The following FEZ1 variants were observed in gnomAD, a reference collection of about 807,000 sequenced individuals.
FEZ1 encodes fasciculation and elongation protein zeta 1.
In FEZ1, 20 loss-of-function variants were observed where a neutral mutation model predicts 49.3. That is an observed-to-expected ratio of 0.41 (90% CI 0.29 to 0.59). The LOEUF is 0.59. Among genes scored for constraint, FEZ1 ranks in the 20% least tolerant of loss-of-function variants. The pLI, the probability that FEZ1 is intolerant of heterozygous loss-of-function variation, is 0.36. For missense variants in FEZ1, 413 were observed against 476.0 expected (o/e 0.87, Z 1.23); for synonymous variants, 170 against 180.9 (o/e 0.94, Z 0.48).
rs758020972 is a variant in FEZ1, at chr11:125,455,865, C to T, written c.909G>A (p.Arg303=). 6.2e-7 allele frequency: 1 copy of T among 1,613,988 alleles called. No individual in the cohort carries two copies. The highest frequency in any genetic ancestry group is 8.5e-7 in the Non-Finnish European group (1 of 1,180,000). Residue 303 remains arginine, a synonymous_variant, in exon 6 of 10, where the codon CGG becomes CGA. Transcript: ENST00000278919. ...GAGGCATCTGGTTTCCCTTCTCTAT[C>T]CGGCTGCTCTGCAGGCTCAGCCCTT... The part of the protein sequence containing the change: ...KEKGLSLQSS[R]IEKGNQMPLK...
chr11:125,460,482 C>T lies in FEZ1; in HGVS notation c.667+16G>A, dbSNP rs1328869857. The T allele has an allele frequency of 7.5e-6, 12 of 1,609,926 alleles. No homozygotes were observed. The highest frequency in any genetic ancestry group is 1.8e-4 in the Middle Eastern group (1 of 5,694). On this transcript the variant is annotated intron_variant, in intron 5 of 9. Transcript: ENST00000278919. ...GGTGCTTCCTCCTCGGCCAGCCCAG[C>T]GCCCAGGGCCCTCACCTTCATAGGA...
At position 125,493,463 on chromosome 11, in the gene FEZ1, AAGGAAAGAAGGAAAGAAGGAAAGAAG is replaced by A. The variant is rs1565307118; in HGVS notation, c.-46+2632_-46+2657del. Among the ~76,000 whole-genome samples the A allele has an allele frequency of 7.1e-3, 528 of 74,114 alleles. 18 individuals are homozygous for A. The highest frequency in any genetic ancestry group is 0.016 in the Middle Eastern group (3 of 184). 48.6% of individuals were successfully genotyped at this position (74,114 alleles called of 152,430 possible). A position where few individuals can be genotyped will look rare whatever the true frequency, so the allele number is the denominator to read the frequency against. ...GAAGGAAAGAAGGAAAGAAGGAAAG[AAGGAAAGAAGGAAAGAAGGAAAGAAG>A]GAAAGAAAGAAAGAAAGAGAGAAAG... On this transcript the variant is annotated intron_variant, in intron 1 of 9. Coordinates refer to ENST00000278919, the MANE Select transcript of FEZ1 (RefSeq NM_005103.5).
rs151327290 is a variant in FEZ1, at chr11:125,458,786, G to A, written c.667+1712C>T. Among the ~76,000 whole-genome samples, 330 of 152,192 alleles carry A rather than the reference G, an allele frequency of 2.2e-3. 2 individuals carry two copies. The highest frequency in any genetic ancestry group is 7.6e-3 in the African/African-American group (315 of 41,530). On this transcript the variant is annotated intron_variant, in intron 5 of 9. Transcript: ENST00000278919. ...GTTACTGCTTTGAAATATAATCATC[G>A]GGCCGGGCGCAGTGGGTCATGCCTG... is the stretch of plus-strand genomic sequence containing the variant.
chr11:125,456,139 T>C (rs1445403991), intron 5 of FEZ1, 33 bp from the exon 6 acceptor site: 2 of 1,541,426 alleles, frequency 1.3e-6, no homozygotes. Context: ...GCATAACACC[T>C]GCATCCACAC....
rs780640452 is a variant in FEZ1, at chr11:125,463,586, G to A, written c.412-16C>T. 6.6e-7 allele frequency: 1 copy of A among 1,522,328 alleles called. No individual in the cohort carries two copies. The highest frequency in any genetic ancestry group is 9.1e-7 in the Non-Finnish European group (1 of 1,096,826). The allele number at this position is 1,522,328 out of a possible 1,614,324, so 94.3% of individuals were successfully genotyped here. ...TCTCATGGATCTGGAGAGGAGGTGG[G>A]GAGATGGAATTCTGGGTGACCATCA... On this transcript the variant is annotated splice_polypyrimidine_tract_variant and intron_variant, in intron 3 of 9. Coordinates refer to ENST00000278919, the MANE Select transcript of FEZ1 (RefSeq NM_005103.5).
chr11:125,473,145 A>G (rs1405187910), intron 3 of FEZ1, among the ~76,000 whole-genome samples: 2 of 152,226 alleles, frequency 1.3e-5, no homozygotes, highest in Admixed American at 6.5e-5. Context: ...GATTGGCATA[A>G]AGATAGACAC....
chr11:125,460,592 C>T lies in FEZ1; in HGVS notation c.573G>A (p.Glu191=). The change falls in exon 5 of 10, where the codon GAG becomes GAA. Residue 191 remains glutamate, a synonymous_variant. Coordinates refer to ENST00000278919, the MANE Select transcript of FEZ1 (RefSeq NM_005103.5). ...PEEEEEVLEE[E]DGGETSSQAD... ...CCTGGGAGGAAGTTTCTCCTCCATC[C>T]TCTTCTTCCAGAACCTCCTCTTCTT... The T allele has an allele frequency of 6.2e-7, 1 of 1,614,088 alleles. No homozygotes were observed. Among genetic ancestry groups the T allele is most frequent in the Non-Finnish European group, 8.5e-7 (1 of 1,179,948 alleles).
chr11:125,490,525 A>G (rs1043756700), intron 1 of FEZ1, among the ~76,000 whole-genome samples: 2 of 152,148 alleles, frequency 1.3e-5, no homozygotes, highest in African/African-American at 4.8e-5. Flanking sequence ...GGGTTTGTAT[A>G]CCTAGATATT....
intron 5 of FEZ1, among the ~76,000 whole-genome samples, chr11:125,456,695 G>T (rs920313393): frequency 6.6e-6 from 1 of 152,134 alleles, no homozygotes; most frequent in Non-Finnish European, 1.5e-5. Context: ...GTTAGCATAC[G>T]GCAGTCAGCT....
chr11:125,474,471 A>G (rs1957211629), intron 3 of FEZ1, among the ~76,000 whole-genome samples: 1 of 152,174 alleles, frequency 6.6e-6, no homozygotes, highest in Non-Finnish European at 1.5e-5. Context: ...CTCAGCCTTC[A>G]TCACATTTAA....
At chr11:125,485,574 A>C (rs1263685560) in intron 2 of FEZ1, among the ~76,000 whole-genome samples, 1 of 152,182 alleles carries the variant, frequency 6.6e-6, no homozygotes, top group Non-Finnish European at 1.5e-5. Context: ...GCTGGTGTGC[A>C]GTCATGCCAA....
At chr11:125,471,099 G>A (rs114728106) in intron 3 of FEZ1, among the ~76,000 whole-genome samples, 2,353 of 152,134 alleles carry the variant, frequency 0.015, 52 homozygotes, top group African/African-American at 0.05. Flanking sequence ...ACAAGGTATA[G>A]ATAAAAATCC....
At chr11:125,460,727 G>T in intron 4 of FEZ1, 61 bp from the exon 5 acceptor site, 2 of 1,488,838 alleles carry the variant, frequency 1.3e-6, no homozygotes, top group Non-Finnish European at 9.2e-7. Flanking sequence ...ATTCTGGCTT[G>T]AATTTTGATC....
Position 125,455,675 on chromosome 11 carries a change from T to C in FEZ1, c.939+160A>G, listed in dbSNP as rs539897325. 115 of 740,722 alleles carry C rather than the reference T, an allele frequency of 1.6e-4. No individual in the cohort carries two copies. In the African/African-American group the frequency reaches 1.7e-3, roughly 11 times the overall value. The allele number at this position is 740,722 out of a possible 1,614,324, so 45.9% of individuals were successfully genotyped here. A position where few individuals can be genotyped will look rare whatever the true frequency, so the allele number is the denominator to read the frequency against. On this transcript the variant is annotated intron_variant, in intron 6 of 9. Coordinates refer to ENST00000278919, the MANE Select transcript of FEZ1 (RefSeq NM_005103.5). Reference sequence around the variant, plus strand: ...CCTTTGGGGGAGTGGAGGAGATAGGTGATATCTTCTCCCTTTCTGACCCCC... The same window carrying C: ...CCTTTGGGGGAGTGGAGGAGATAGGCGATATCTTCTCCCTTTCTGACCCCC...
chr11:125,465,601 C>G (rs916068237), intron 3 of FEZ1, among the ~76,000 whole-genome samples: 15 of 152,196 alleles, frequency 9.9e-5, no homozygotes, highest in African/African-American at 3.6e-4. Context: ...GGGAACCATA[C>G]TCATCCCTTA....
At chr11:125,472,007 A>G (rs1402885022) in intron 3 of FEZ1, among the ~76,000 whole-genome samples, 1 of 152,184 alleles carries the variant, frequency 6.6e-6, no homozygotes, top group African/African-American at 2.4e-5. Context: ...AAACTGCCAA[A>G]TAACCTATGG....
At chr11:125,457,186 T>TA (rs1957018427) in intron 5 of FEZ1, among the ~76,000 whole-genome samples, 1 of 150,740 alleles carries the variant, frequency 6.6e-6, no homozygotes, top group African/African-American at 2.4e-5. Context: ...AACTCTATCT[T>TA]AAAATAAAAA....
intron 3 of FEZ1, among the ~76,000 whole-genome samples, chr11:125,474,999 C>T (rs12280065): frequency 0.012 from 1,827 of 150,022 alleles, 34 homozygotes; most frequent in African/African-American, 0.033. Context: ...ACAGGCCGGG[C>T]ACAGTCACGC....
Position 125,494,051 on chromosome 11 carries a change from C to T in FEZ1, c.-46+2070G>A, listed in dbSNP as rs1229156386. 7.2e-5 allele frequency among the ~76,000 whole-genome samples: 11 copies of T among 152,214 alleles called. No individual in the cohort carries two copies. In the South Asian group the frequency reaches 1.9e-3, roughly 26 times the overall value. ...GAATATCACAGCTCTAGGGTTCAGACACATGCTCATTTGAAACAGTCCATA... is the reference window on the plus strand; with the variant it reads ...GAATATCACAGCTCTAGGGTTCAGATACATGCTCATTTGAAACAGTCCATA... On this transcript the variant is annotated intron_variant, in intron 1 of 9. Coordinates refer to ENST00000278919, the MANE Select transcript of FEZ1 (RefSeq NM_005103.5).
Sources: gnomAD v4.1 joint callset for allele counts (sites outside exome capture counted in the v4.1 genomes callset) on GRCh38, gnomAD v4.1.1 for gene constraint, MANE v1.5 for transcripts, NCBI Gene and HGNC (gene_info 2026-07-23, HGNC 2026-07-21) for gene names.